Variants in UBE2E1 observed in about 807,000 individuals in gnomAD.
UBE2E1 encodes ubiquitin conjugating enzyme E2 E1.
UBE2E1 carries 6 observed loss-of-function variants against 21.4 expected under a neutral mutation model. The ratio of observed to expected loss-of-function variants is 0.28; its 90% CI spans 0.15 to 0.55. UBE2E1 has a LOEUF of 0.55. UBE2E1 is among the 20% of genes least tolerant of loss of function. The pLI, the probability that UBE2E1 is intolerant of heterozygous loss-of-function variation, is 0.93. For missense variants in UBE2E1, 142 were observed against 236.5 expected (o/e 0.60, Z 2.62); for synonymous variants, 87 against 82.7 (o/e 1.05, Z -0.28).
At chr3:23,889,292 C>T (rs758247330) in intron 5 of UBE2E1, 33 bp downstream of exon 5, 18 of 1,612,478 alleles carry the variant, frequency 1.1e-5, no homozygotes, top group East Asian at 6.7e-5. Context: ...TTGTTTTATT[C>T]TTCCTTACCT....
At position 23,822,378 on chromosome 3, in the gene UBE2E1, G is replaced by A. The variant is rs144855182; in HGVS notation, c.203+10868G>A. On this transcript the variant is annotated intron_variant, in intron 3 of 5. Coordinates refer to ENST00000306627, the MANE Select transcript of UBE2E1 (RefSeq NM_003341.5). ...GGTGTTATCTACTTTCTACACTTTA[G>A]GGCAGAATTTCTTAACATAGTATAT... Among the ~76,000 whole-genome samples, 1,081 of 152,202 alleles carry A rather than the reference G, an allele frequency of 7.1e-3. 11 individuals carry two copies. The highest frequency in any genetic ancestry group is 0.025 in the African/African-American group (1,018 of 41,510).
rs1322461134 is a variant in UBE2E1, at chr3:23,823,234, T to C, written c.203+11724T>C. On this transcript the variant is annotated intron_variant, in intron 3 of 5. Transcript: ENST00000306627. This position sits in a 1 kb window ranked among gnomAD's most constrained non-coding sequence, Gnocchi z 4.2. ...TTAAAGCAATCATATAAGCATTGTC[T>C]TTTTAATTGTCCACTGATCATGTCT... 6.6e-6 allele frequency among the ~76,000 whole-genome samples: 1 copy of C among 152,242 alleles called. No homozygotes were observed. The highest frequency in any genetic ancestry group is 1.5e-5 in the Non-Finnish European group (1 of 68,042).
chr3:23,865,968 G>T (rs1292404944), intron 3 of UBE2E1, among the ~76,000 whole-genome samples: 1 of 152,126 alleles, frequency 6.6e-6, no homozygotes, highest in African/African-American at 2.4e-5. Context: ...CTACTGCTCA[G>T]CTAGAAGGGT....
At chr3:23,885,578 T>C (rs979358510) in intron 3 of UBE2E1, among the ~76,000 whole-genome samples, 5 of 152,140 alleles carry the variant, frequency 3.3e-5, no homozygotes, top group African/African-American at 1.2e-4. Context: ...AAAAAATCTC[T>C]GGCCGGGTGC....
Position 23,861,664 on chromosome 3 carries a change from C to A in UBE2E1, c.204-25903C>A, listed in dbSNP as rs1174305276. ...GCGAAGGAATACACAGGTGGATGGACGTCGAGAGGAATGCACTGGTGTAGG... is the reference window on the plus strand; with the variant it reads ...GCGAAGGAATACACAGGTGGATGGAAGTCGAGAGGAATGCACTGGTGTAGG... On this transcript the variant is annotated intron_variant, in intron 3 of 5. Coordinates refer to ENST00000306627, the MANE Select transcript of UBE2E1 (RefSeq NM_003341.5). Among the ~76,000 whole-genome samples, 19 of 152,186 alleles carry A rather than the reference C, an allele frequency of 1.2e-4. 1 individual carries two copies. Among genetic ancestry groups the A allele is most frequent in the Non-Finnish European group, 5.9e-5 (4 of 68,040 alleles).
At position 23,808,334 on chromosome 3, in the gene UBE2E1, T is replaced by G. The variant is rs145428101; in HGVS notation, c.152+913T>G. ...CCATGACCCTCAAAATCATCTTTAGTGGATTCCTAGGAGCTCTGAGACACC... is the reference window on the plus strand; with the variant it reads ...CCATGACCCTCAAAATCATCTTTAGGGGATTCCTAGGAGCTCTGAGACACC... On this transcript the variant is annotated intron_variant, in intron 2 of 5. Transcript: ENST00000306627. This position sits in a 1 kb window ranked among gnomAD's most constrained non-coding sequence, Gnocchi z 4.9. Among the ~76,000 whole-genome samples, 616 of 152,322 alleles carry G rather than the reference T, an allele frequency of 4.0e-3. 1 individual carries two copies. The highest frequency in any genetic ancestry group is 0.01 in the Middle Eastern group (3 of 294).
In UBE2E1 at chr3:23,806,433, CA is replaced by C. The variant is rs1453052726; in HGVS notation, c.-34+346del. On this transcript the variant is annotated intron_variant, in intron 1 of 5. Transcript: ENST00000306627. The surrounding 1 kb of genome is among the most constrained non-coding windows in gnomAD (Gnocchi z 6.5). Reference sequence around the variant, plus strand: ...GGAGTTGGGGGAGCCCCGTTTTCCCCAGGGGCGGGGGTTCGCGGGGATTAAC... The same window carrying C: ...GGAGTTGGGGGAGCCCCGTTTTCCCCGGGGCGGGGGTTCGCGGGGATTAAC... Among the ~76,000 whole-genome samples, 8 of 151,716 alleles carry C rather than the reference CA, an allele frequency of 5.3e-5. No individual in the cohort carries two copies. The highest frequency in any genetic ancestry group is 1.7e-4 in the African/African-American group (7 of 41,352).
chr3:23,886,166 T>C (rs1340827462), intron 3 of UBE2E1, among the ~76,000 whole-genome samples: 2 of 152,210 alleles, frequency 1.3e-5, no homozygotes, highest in Non-Finnish European at 2.9e-5. Context: ...TGCCACTCAC[T>C]GCATTCCAGC....
chr3:23,889,521 C>T (rs1701295863), intron 5 of UBE2E1: 2 of 1,383,526 alleles, frequency 1.4e-6, no homozygotes, highest in African/African-American at 1.6e-5. Flanking sequence ...TTCAATTATT[C>T]TTCCTCCTTT....
chr3:23,817,473 C>T (rs558424910), intron 3 of UBE2E1, among the ~76,000 whole-genome samples: 1 of 150,888 alleles, frequency 6.6e-6, no homozygotes, highest in East Asian at 1.9e-4. Context: ...TCAAGGAGTT[C>T]ATAATCTAGT....
rs940301793 is a variant in UBE2E1 at position 23,887,067 on chromosome 3, A to G, written c.204-500A>G. Among the ~76,000 whole-genome samples, 1 of 152,230 alleles carries G rather than the reference A, an allele frequency of 6.6e-6. No individual in the cohort carries two copies. The highest frequency in any genetic ancestry group is 1.5e-5 in the Non-Finnish European group (1 of 68,048). ...CATTCTCCTCCCACCTAACATGGACATACTTTTTACATTATAAACCATCTA... is the reference window on the plus strand; with the variant it reads ...CATTCTCCTCCCACCTAACATGGACGTACTTTTTACATTATAAACCATCTA... On this transcript the variant is annotated intron_variant, in intron 3 of 5. Transcript: ENST00000306627. The surrounding 1 kb of genome is among the most constrained non-coding windows in gnomAD (Gnocchi z 4.4).
intron 3 of UBE2E1, among the ~76,000 whole-genome samples, chr3:23,817,265 T>C (rs1699543857): frequency 6.6e-6 from 1 of 151,678 alleles, no homozygotes; most frequent in African/African-American, 2.4e-5. Flanking sequence ...CAACTAAAAA[T>C]ACAAAAATTA....
intron 3 of UBE2E1, among the ~76,000 whole-genome samples, chr3:23,849,026 G>A (rs553461951): frequency 2.0e-5 from 3 of 152,296 alleles, no homozygotes; most frequent in East Asian, 1.9e-4. Context: ...TCCATATGGT[G>A]GACATTTGGT....
chr3:23,868,167 T>C (rs7651185), intron 3 of UBE2E1, among the ~76,000 whole-genome samples: 116,549 of 152,106 alleles, frequency 0.77, 45,227 homozygotes, highest in African/African-American at 0.84. Context: ...AAATGAAACA[T>C]ACATTCGAAT....
At chr3:23,848,090 T>C (rs1466320404) in intron 3 of UBE2E1, among the ~76,000 whole-genome samples, 1 of 152,240 alleles carries the variant, frequency 6.6e-6, no homozygotes, top group Non-Finnish European at 1.5e-5. Context: ...GTTTTCACAA[T>C]AAACCTGTGC....
At chr3:23,834,799 A>G (rs1699944822) in intron 3 of UBE2E1, among the ~76,000 whole-genome samples, 1 of 152,210 alleles carries the variant, frequency 6.6e-6, no homozygotes, top group Admixed American at 6.5e-5. Context: ...GAGATTAGAA[A>G]TTGGCTGATG....
intron 3 of UBE2E1, among the ~76,000 whole-genome samples, chr3:23,866,115 A>G (rs1700650392): frequency 6.6e-6 from 1 of 152,186 alleles, no homozygotes; most frequent in Non-Finnish European, 1.5e-5. Context: ...TCTCAGCCCT[A>G]TGCAAATATA....
intron 3 of UBE2E1, among the ~76,000 whole-genome samples, chr3:23,812,817 G>A (rs1699429594): frequency 6.6e-6 from 1 of 152,110 alleles, no homozygotes; most frequent in Non-Finnish European, 1.5e-5. Flanking sequence ...TGGAATCCAT[G>A]TACATTCCCC....
chr3:23,888,375 A>G, intron 4 of UBE2E1: 1 of 374,786 alleles, frequency 2.7e-6, no homozygotes, highest in South Asian at 1.9e-5. Flanking sequence ...GTACAACTGC[A>G]GCAACAAGAA....
Sources: gnomAD v4.1 joint callset for allele counts (sites outside exome capture counted in the v4.1 genomes callset) on GRCh38, gnomAD v4.1.1 for gene constraint, Gnocchi (gnomAD v3.1) non-coding constraint, MANE v1.5 for transcripts, NCBI Gene and HGNC (gene_info 2026-07-23, HGNC 2026-07-21) for gene names.